The following GADL1 variants were observed in gnomAD, a reference collection of about 807,000 sequenced individuals.
The protein encoded by GADL1 is GAD like acidic amino acid decarboxylase 1.
GADL1 carries 71 observed loss-of-function variants against 69.5 expected under a neutral mutation model. The ratio of observed to expected loss-of-function variants is 1.02; its 90% CI spans 0.84 to 1.25. GADL1 has a LOEUF of 1.25. GADL1 is among the 50% of genes most tolerant of loss of function. The probability of loss-of-function intolerance (pLI) is 0.00; values close to 1 mark genes in which losing one functional copy is unlikely to be tolerated. For synonymous variants in GADL1, 254 were observed against 214.4 expected, an observed-to-expected ratio of 1.18 and a Z score of -1.62; for missense variants, 737 against 631.8, an observed-to-expected ratio of 1.17 and a Z score of -1.79.
chr3:30,793,355 A>G (rs531359080), intron 12 of GADL1, among the ~76,000 whole-genome samples: 2 of 151,244 alleles, frequency 1.3e-5, no homozygotes, highest in Non-Finnish European at 2.9e-5. Context: ...TTTTCAATAT[A>G]TGAAAACAGC....
At chr3:30,841,301 A>G (rs1697962107) in intron 8 of GADL1, among the ~76,000 whole-genome samples, 1 of 152,198 alleles carries the variant, frequency 6.6e-6, no homozygotes, top group Non-Finnish European at 1.5e-5. Flanking sequence ...CTACTTTTAA[A>G]TGTGCCTAAA....
At chr3:30,890,412 A>T (rs1476154373) in intron 1 of GADL1, among the ~76,000 whole-genome samples, 2 of 152,222 alleles carry the variant, frequency 1.3e-5, no homozygotes, top group African/African-American at 4.8e-5. Context: ...ACAAGCATGT[A>T]AAAAAGAATG....
Position 30,728,471 on chromosome 3 carries a change from A to G in GADL1, c.1393-56T>C, listed in dbSNP as rs142623883. 9.2e-3 allele frequency: 13,283 copies of G among 1,444,708 alleles called. 73 individuals are homozygous for G. Among genetic ancestry groups the G allele is most frequent in the Non-Finnish European group, 0.01 (10,424 of 1,034,936 alleles). The allele number at this position is 1,444,708 out of a possible 1,614,324, so 89.5% of individuals were successfully genotyped here. ...AAGACCAGAACATCAAGGCATTTCA[A>G]TAGCATTTTCACCAGCCATTGGACA... On this transcript the variant is annotated intron_variant, in intron 14 of 14. Transcript: ENST00000282538.
rs199864155 is a variant in GADL1, at chr3:30,808,778, C to CT, written c.1051-7691dup. Among the ~76,000 whole-genome samples, 159 of 152,332 alleles carry CT rather than the reference C, an allele frequency of 1.0e-3. 3 individuals carry two copies. In the East Asian group the frequency reaches 0.024, roughly 23 times the overall value. The stretch of plus-strand genomic sequence containing the variant: ...GTCCACCCACTACTTTTATCTTTCT[C>CT]TTTTTTCTTCCCTCACTGTTATAAA... On this transcript the variant is annotated intron_variant, in intron 11 of 14. Transcript: ENST00000282538.
At chr3:30,834,369 C>A in intron 9 of GADL1, 88 bp from the exon 10 acceptor site, 2 of 975,378 alleles carry the variant, frequency 2.1e-6, no homozygotes, top group African/African-American at 1.6e-5. Context: ...TCAGTGAGGA[C>A]CTCAATCTGC....
At position 30,865,298 on chromosome 3, in the gene GADL1, TATA is replaced by T. The variant is rs1367769664; in HGVS notation, c.38-3536_38-3534del. On this transcript the variant is annotated intron_variant, in intron 1 of 14. Coordinates refer to ENST00000282538, the MANE Select transcript of GADL1 (RefSeq NM_207359.3). ...CCACGTAAATTAATATATATATATATATATATATTTTTTAATATCTGTCTCTCC... is the reference window on the plus strand; with the variant it reads ...CCACGTAAATTAATATATATATATATTATATTTTTTAATATCTGTCTCTCC... Among the ~76,000 whole-genome samples the T allele has an allele frequency of 8.0e-4, 113 of 140,982 alleles. 1 individual carries two copies. Among genetic ancestry groups the T allele is most frequent in the Admixed American group, 4.4e-3 (57 of 12,882 alleles). 92.5% of individuals were successfully genotyped at this position (140,982 alleles called of 152,430 possible).
At chr3:30,801,122 C>T in intron 11 of GADL1, 34 bp from the exon 12 acceptor site, 2 of 1,521,148 alleles carry the variant, frequency 1.3e-6, no homozygotes, top group Non-Finnish European at 1.8e-6. Context: ...GACTGTTAAA[C>T]TTTAGAATAT....
chr3:30,809,280 T>G (rs1033658582), intron 11 of GADL1, among the ~76,000 whole-genome samples: 22 of 152,232 alleles, frequency 1.4e-4, no homozygotes, highest in Admixed American at 1.2e-3. Context: ...TTTCATTCTT[T>G]GTCAGAGTAG....
intron 14 of GADL1, among the ~76,000 whole-genome samples, chr3:30,752,812 G>T (rs1311657375): frequency 2.7e-5 from 3 of 109,370 alleles, no homozygotes; most frequent in African/African-American, 6.1e-5. Context: ...CTAGGCTGCT[G>T]GAAGACAAGA....
In GADL1 at chr3:30,877,058, T is replaced by C. The variant is rs550430901; in HGVS notation, c.38-15293A>G. Among the ~76,000 whole-genome samples the C allele has an allele frequency of 4.6e-5, 7 of 152,040 alleles. 1 individual carries two copies. The highest frequency in any genetic ancestry group is 3.4e-3 in the Middle Eastern group (1 of 294). Reference sequence around the variant, plus strand: ...AGAAAGACACTGTACTAGGCACTTATATTACACGTTTTTGGACAAATATTC... The same window carrying C: ...AGAAAGACACTGTACTAGGCACTTACATTACACGTTTTTGGACAAATATTC... On this transcript the variant is annotated intron_variant, in intron 1 of 14. Coordinates refer to ENST00000282538, the MANE Select transcript of GADL1 (RefSeq NM_207359.3).
At chr3:30,793,055 C>T (rs1696955320) in intron 12 of GADL1, among the ~76,000 whole-genome samples, 1 of 152,120 alleles carries the variant, frequency 6.6e-6, no homozygotes, top group South Asian at 2.1e-4. Flanking sequence ...TTTAAATATC[C>T]TAATGAGTAC....
intron 1 of GADL1, among the ~76,000 whole-genome samples, chr3:30,869,866 G>A (rs142780448): frequency 0.02 from 3,074 of 151,670 alleles, 62 homozygotes; most frequent in Non-Finnish European, 0.029. Flanking sequence ...ATCCAATAAG[G>A]GAAATTAGAC....
intron 11 of GADL1, among the ~76,000 whole-genome samples, chr3:30,804,719 T>A: frequency 6.6e-6 from 1 of 152,208 alleles, no homozygotes; most frequent in East Asian, 1.9e-4. Flanking sequence ...CATGCTATAT[T>A]CAGAAGTGAA....
intron 1 of GADL1, among the ~76,000 whole-genome samples, chr3:30,878,150 T>C (rs1219473397): frequency 6.6e-6 from 1 of 151,978 alleles, no homozygotes; most frequent in Non-Finnish European, 1.5e-5. Context: ...GCAAGTACTT[T>C]AACCTTTCTG....
intron 14 of GADL1, among the ~76,000 whole-genome samples, chr3:30,774,155 TCA>T (rs1421027722): frequency 6.6e-6 from 1 of 152,142 alleles, no homozygotes; most frequent in Admixed American, 6.5e-5. Flanking sequence ...GGTAAATGTT[TCA>T]GATTTTCATG....
chr3:30,856,520 C>A (rs1460236190), intron 3 of GADL1, among the ~76,000 whole-genome samples: 1 of 151,952 alleles, frequency 6.6e-6, no homozygotes, highest in African/African-American at 2.4e-5. Flanking sequence ...TTTGGTACAG[C>A]CAGATTTGAT....
At chr3:30,732,613 T>A (rs913617039) in intron 14 of GADL1, among the ~76,000 whole-genome samples, 1 of 152,198 alleles carries the variant, frequency 6.6e-6, no homozygotes, top group African/African-American at 2.4e-5. Flanking sequence ...ACTTTCTTTC[T>A]GACCAAGCAG....
chr3:30,767,946 AAG>A lies in GADL1; in HGVS notation c.1392+10231_1392+10232del, dbSNP rs547525178. On this transcript the variant is annotated intron_variant, in intron 14 of 14. Transcript: ENST00000282538. ...AAAATGAATACACTGACAATCAGTA[AAG>A]AGAAATTGTTCAGCCTACCAACAAT... is the stretch of plus-strand genomic sequence containing the variant. 9.2e-5 allele frequency among the ~76,000 whole-genome samples: 14 copies of A among 152,112 alleles called. No individual in the cohort carries two copies. In the South Asian group the frequency reaches 2.7e-3, roughly 29 times the overall value.
At chr3:30,888,649 T>A (rs1437511176) in intron 1 of GADL1, among the ~76,000 whole-genome samples, 1 of 152,132 alleles carries the variant, frequency 6.6e-6, no homozygotes, top group Non-Finnish European at 1.5e-5. Flanking sequence ...TAGAACTTCT[T>A]ATTCTTTCTT....
Sources: allele counts gnomAD v4.1 joint callset (sites outside exome capture counted in the v4.1 genomes callset), GRCh38; gene constraint gnomAD v4.1.1; transcripts MANE v1.5; gene names NCBI Gene and HGNC (gene_info 2026-07-23, HGNC 2026-07-21).